The following PXDNL variants were observed in gnomAD, a reference collection of about 807,000 sequenced individuals.
PXDNL encodes the protein peroxidasin like, also known as probable oxidoreductase PXDNL.
A neutral mutation model predicts 150.8 loss-of-function variants in PXDNL; 145 were observed. The observed-to-expected ratio is 0.96, with a 90% CI of 0.84 to 1.10. PXDNL has a LOEUF of 1.10. Among genes scored for constraint, PXDNL ranks in the 50% least tolerant of loss-of-function variants. PXDNL has a pLI of 0.00. For missense variants in PXDNL, 2,087 were observed against 1,873.9 expected (o/e 1.11, Z -2.10); for synonymous variants, 757 against 725.7 (o/e 1.04, Z -0.69).
intron 3 of PXDNL, among the ~76,000 whole-genome samples, chr8:51,587,180 T>G (rs531201699): frequency 1.3e-5 from 2 of 152,318 alleles, no homozygotes; most frequent in South Asian, 4.1e-4. Context: ...GAGTTTATCA[T>G]TAGATTAAGT....
intron 2 of PXDNL, among the ~76,000 whole-genome samples, chr8:51,632,076 G>A (rs1053991374): frequency 1.3e-5 from 2 of 151,918 alleles, no homozygotes; most frequent in African/African-American, 4.8e-5. Flanking sequence ...TTTAAAACAT[G>A]ATGCAAATAA....
intron 1 of PXDNL, among the ~76,000 whole-genome samples, chr8:51,774,238 G>A (rs552712881): frequency 1.6e-4 from 25 of 152,168 alleles, no homozygotes; most frequent in African/African-American, 4.1e-4. Flanking sequence ...TGTTTGAGGC[G>A]AATATCAAAA....
At position 51,707,004 on chromosome 8, in the gene PXDNL, T is replaced by C. The variant is rs1040400190; in HGVS notation, c.165-52244A>G. Among the ~76,000 whole-genome samples the C allele has an allele frequency of 3.3e-5, 5 of 152,314 alleles. No homozygotes were observed. In the South Asian group the frequency reaches 6.2e-4, roughly 19 times the overall value. On this transcript the variant is annotated intron_variant, in intron 1 of 22. Coordinates refer to ENST00000356297, the MANE Select transcript of PXDNL (RefSeq NM_144651.5). ...GCTCTCTGTAGCATTCAAAAGAGAATTGCACCATTACTGAATCTACATAGA... is the reference window on the plus strand; with the variant it reads ...GCTCTCTGTAGCATTCAAAAGAGAACTGCACCATTACTGAATCTACATAGA...
At chr8:51,700,184 CACACACACA>C (rs1563511420) in intron 1 of PXDNL, among the ~76,000 whole-genome samples, 12 of 151,312 alleles carry the variant, frequency 7.9e-5, no homozygotes, top group African/African-American at 2.2e-4. Context: ...CACACACACA[CACACACACA>C]CACCATCACA....
At chr8:51,552,883 G>A (rs910460025) in intron 4 of PXDNL, among the ~76,000 whole-genome samples, 2 of 152,174 alleles carry the variant, frequency 1.3e-5, no homozygotes, top group Non-Finnish European at 2.9e-5. Context: ...AATCAGATAT[G>A]GGTGAGACTC....
chr8:51,534,352 TG>T (rs749660529), intron 4 of PXDNL, among the ~76,000 whole-genome samples: 3,368 of 123,300 alleles, frequency 0.027, 182 homozygotes, highest in African/African-American at 0.1. Flanking sequence ...GGGAGGGAGG[TG>T]GGGGGGGGTC....
In PXDNL at chr8:51,398,322, G is replaced by A. The variant is rs953488590; in HGVS notation, c.3557+9745C>T. Among the ~76,000 whole-genome samples the A allele has an allele frequency of 1.6e-4, 24 of 152,328 alleles. 1 individual carries two copies. In the South Asian group the frequency reaches 1.7e-3, roughly 11 times the overall value. On this transcript the variant is annotated intron_variant, in intron 17 of 22. Transcript: ENST00000356297. Reference sequence around the variant, plus strand: ...GCTGAAGCAGCTGGGAACAGGTGGCGGGACCTGCGGTGGGGAGTGGGCAGA... The same window carrying A: ...GCTGAAGCAGCTGGGAACAGGTGGCAGGACCTGCGGTGGGGAGTGGGCAGA...
At chr8:51,633,293 T>C (rs1399471185) in intron 2 of PXDNL, among the ~76,000 whole-genome samples, 1 of 152,206 alleles carries the variant, frequency 6.6e-6, no homozygotes, top group Non-Finnish European at 1.5e-5. Flanking sequence ...CTGTATCCAA[T>C]CCACTGTTGA....
At chr8:51,470,961 C>G (rs1364922705) in intron 8 of PXDNL, among the ~76,000 whole-genome samples, 1 of 150,620 alleles carries the variant, frequency 6.6e-6, no homozygotes, top group Non-Finnish European at 1.5e-5. Flanking sequence ...AAAGCAATGG[C>G]AACAAAAGCC....
At chr8:51,435,397 C>T (rs1809372619) in intron 12 of PXDNL, among the ~76,000 whole-genome samples, 1 of 149,400 alleles carries the variant, frequency 6.7e-6, no homozygotes, top group Non-Finnish European at 1.5e-5. Flanking sequence ...TTTTTAGATG[C>T]AACATATTTG....
At chr8:51,374,830 A>C in intron 17 of PXDNL, 99 bp from the exon 18 acceptor site, 1 of 1,354,560 alleles carries the variant, frequency 7.4e-7, no homozygotes, top group Non-Finnish European at 1.0e-6. Context: ...TTATCCACAC[A>C]AAAAAAGAAA....
intron 1 of PXDNL, among the ~76,000 whole-genome samples, chr8:51,800,595 G>A (rs541808381): frequency 4.1e-4 from 62 of 152,346 alleles, no homozygotes; most frequent in Non-Finnish European, 1.2e-4. Context: ...GGAGGGACCA[G>A]CTGGAGCCAC....
At chr8:51,340,387 T>C (rs1338130562) in intron 20 of PXDNL, among the ~76,000 whole-genome samples, 1 of 152,240 alleles carries the variant, frequency 6.6e-6, no homozygotes, top group African/African-American at 2.4e-5. Context: ...GAAAGTTCTT[T>C]CTATTTACAA....
intron 21 of PXDNL, among the ~76,000 whole-genome samples, chr8:51,326,619 A>G (rs577268222): frequency 6.6e-6 from 1 of 152,212 alleles, no homozygotes; most frequent in East Asian, 1.9e-4. Flanking sequence ...TATTCAAACT[A>G]TTGCAGTTTT....
At chr8:51,424,953 G>A (rs1195128948) in intron 13 of PXDNL, among the ~76,000 whole-genome samples, 1 of 152,228 alleles carries the variant, frequency 6.6e-6, no homozygotes, top group Non-Finnish European at 1.5e-5. Flanking sequence ...GGCCCCACCA[G>A]GTGAGAGGGC....
chr8:51,605,032 T>C (rs1332284851), intron 2 of PXDNL, among the ~76,000 whole-genome samples: 1 of 152,212 alleles, frequency 6.6e-6, no homozygotes, highest in African/African-American at 2.4e-5. Flanking sequence ...TTAATTTTGG[T>C]AAATATCTTC....
chr8:51,564,154 A>G (rs572297472), intron 3 of PXDNL, among the ~76,000 whole-genome samples: 1 of 152,084 alleles, frequency 6.6e-6, no homozygotes, highest in East Asian at 1.9e-4. Flanking sequence ...CACTAGAAGA[A>G]ATTCAACTCT....
intron 1 of PXDNL, among the ~76,000 whole-genome samples, chr8:51,789,442 C>G (rs545212499): frequency 2.0e-5 from 3 of 152,188 alleles, no homozygotes; most frequent in African/African-American, 7.2e-5. Flanking sequence ...ATGAGGGGCA[C>G]TCAGTAGTGC....
At chr8:51,649,939 T>C (rs1290704840) in intron 2 of PXDNL, among the ~76,000 whole-genome samples, 1 of 151,652 alleles carries the variant, frequency 6.6e-6, no homozygotes, top group African/African-American at 2.4e-5. Flanking sequence ...TCATCTCTAC[T>C]AAAAATACAA....
Sources: allele counts gnomAD v4.1 joint callset (sites outside exome capture counted in the v4.1 genomes callset), GRCh38; gene constraint gnomAD v4.1.1; transcripts MANE v1.5; gene names NCBI Gene and HGNC (gene_info 2026-07-23, HGNC 2026-07-21).